Variants in ATP8A1 observed in about 807,000 individuals in gnomAD.
The protein encoded by ATP8A1 is phospholipid-transporting ATPase IA.
ATP8A1 carries 90 observed loss-of-function variants against 177.7 expected under a neutral mutation model. The observed-to-expected ratio is 0.51, with a 90% CI of 0.43 to 0.60. ATP8A1 has a LOEUF of 0.60. Among genes scored for constraint, ATP8A1 ranks in the 20% least tolerant of loss-of-function variants. The pLI is 0.00. For missense variants in ATP8A1, 1,072 were observed against 1,392.8 expected, an observed-to-expected ratio of 0.77 and a Z score of 3.67; for synonymous variants, 493 against 485.9, an observed-to-expected ratio of 1.01 and a Z score of -0.19.
chr4:42,597,247 C>A (rs1292627672), intron 6 of ATP8A1, among the ~76,000 whole-genome samples: 1 of 152,122 alleles, frequency 6.6e-6, no homozygotes, highest in South Asian at 2.1e-4. Flanking sequence ...GGCATGTAGA[C>A]GACACTCTTG....
chr4:42,580,808 G>A (rs1732957669), intron 10 of ATP8A1, among the ~76,000 whole-genome samples: 2 of 152,284 alleles, frequency 1.3e-5, no homozygotes, highest in South Asian at 4.2e-4. Context: ...CACAGGGACG[G>A]AGCAACTGTA....
intron 22 of ATP8A1, among the ~76,000 whole-genome samples, chr4:42,517,092 GAGA>G (rs1177675601): frequency 0.01 from 1,528 of 152,198 alleles, 24 homozygotes; most frequent in African/African-American, 0.035. Context: ...ACGAGGTCAG[GAGA>G]TCGAGACCAT....
At chr4:42,656,063 G>A (rs1741577252) in intron 1 of ATP8A1, among the ~76,000 whole-genome samples, 2 of 152,180 alleles carry the variant, frequency 1.3e-5, no homozygotes, top group African/African-American at 4.8e-5. Context: ...GATGTTGAGG[G>A]CTCCTCGGAG....
In ATP8A1 at chr4:42,455,612, AC is replaced by A. The variant is rs773947580; in HGVS notation, c.2620-14del. The A allele has an allele frequency of 3.1e-6, 5 of 1,609,448 alleles. No individual in the cohort carries two copies. Among genetic ancestry groups the A allele is most frequent in the Non-Finnish European group, 4.2e-6 (5 of 1,178,602 alleles). On this transcript the variant is annotated splice_polypyrimidine_tract_variant and intron_variant, in intron 27 of 36. Coordinates refer to ENST00000381668, the MANE Select transcript of ATP8A1 (RefSeq NM_006095.2). ...AGGCAAACCAGATCTAGGAAAAAAA[AC>A]CCAAAACCCCCAAATTAGAATACAA...
intron 11 of ATP8A1, among the ~76,000 whole-genome samples, chr4:42,579,215 C>T (rs1029416145): frequency 5.9e-5 from 9 of 151,524 alleles, no homozygotes; most frequent in Non-Finnish European, 1.3e-4. Context: ...TATTTACTAG[C>T]ACCTTCTCTA....
At chr4:42,639,665 T>G (rs1437002226) in intron 1 of ATP8A1, among the ~76,000 whole-genome samples, 1 of 152,200 alleles carries the variant, frequency 6.6e-6, no homozygotes, top group Non-Finnish European at 1.5e-5. Flanking sequence ...ATAATTATTT[T>G]CTAACCTACA....
chr4:42,574,181 T>C (rs939285923), intron 14 of ATP8A1, among the ~76,000 whole-genome samples: 2 of 152,126 alleles, frequency 1.3e-5, no homozygotes, highest in African/African-American at 4.8e-5. Context: ...GAATTTTAGA[T>C]TGCTCTATGA....
intron 29 of ATP8A1, among the ~76,000 whole-genome samples, chr4:42,452,277 AT>A (rs898636364): frequency 1.1e-4 from 16 of 151,806 alleles, no homozygotes; most frequent in Non-Finnish European, 2.2e-4. Flanking sequence ...CTTCACTTGA[AT>A]TTTTTTTTCT....
intron 25 of ATP8A1, among the ~76,000 whole-genome samples, chr4:42,468,107 G>A (rs902010787): frequency 6.6e-6 from 1 of 152,084 alleles, no homozygotes; most frequent in Non-Finnish European, 1.5e-5. Context: ...GGTGATCAGG[G>A]AACACTTCTA....
intron 25 of ATP8A1, among the ~76,000 whole-genome samples, chr4:42,485,026 A>G (rs1212215413): frequency 2.0e-5 from 3 of 152,218 alleles, no homozygotes; most frequent in African/African-American, 7.2e-5. Flanking sequence ...AGAGATTTTA[A>G]TTTAGGATAT....
intron 1 of ATP8A1, among the ~76,000 whole-genome samples, chr4:42,637,813 T>C (rs1305150424): frequency 6.6e-6 from 1 of 152,228 alleles, no homozygotes; most frequent in Non-Finnish European, 1.5e-5. Flanking sequence ...CTCTACCCCT[T>C]CAGCCTTGTT....
chr4:42,621,220 T>G (rs572250471), intron 4 of ATP8A1, among the ~76,000 whole-genome samples: 9 of 152,358 alleles, frequency 5.9e-5, no homozygotes, highest in Non-Finnish European at 1.3e-4. Flanking sequence ...CTATGCTGTT[T>G]TATACACATG....
intron 25 of ATP8A1, among the ~76,000 whole-genome samples, chr4:42,479,290 T>C (rs550676638): frequency 3.3e-5 from 5 of 152,334 alleles, no homozygotes; most frequent in Non-Finnish European, 5.9e-5. Context: ...ATACTTACTA[T>C]CTGTCCCTGC....
At chr4:42,434,752 A>G (rs1715723393) in intron 33 of ATP8A1, among the ~76,000 whole-genome samples, 1 of 152,188 alleles carries the variant, frequency 6.6e-6, no homozygotes, top group East Asian at 1.9e-4. Context: ...AGCCTCAAAT[A>G]GAAAGGGTTA....
rs1241174436 is a variant in ATP8A1 at position 42,524,900 on chromosome 4, A to G, written c.1723-53T>C. The stretch of plus-strand genomic sequence containing the variant: ...TTTAATTAAGCATTCTGGGTTTAAT[A>G]AAGTTGATGTTGGTAACAATAGCAG... On this transcript the variant is annotated intron_variant, in intron 20 of 36. Transcript: ENST00000381668. 5 of 1,215,534 alleles carry G rather than the reference A, an allele frequency of 4.1e-6. 1 individual carries two copies. The highest frequency in any genetic ancestry group is 3.0e-5 in the African/African-American group (2 of 66,864). The allele number at this position is 1,215,534 out of a possible 1,614,324, so 75.3% of individuals were successfully genotyped here. A position where few individuals can be genotyped will look rare whatever the true frequency, so the allele number is the denominator to read the frequency against.
At chr4:42,519,783 A>G (rs1219065384) in intron 22 of ATP8A1, among the ~76,000 whole-genome samples, 8 of 152,238 alleles carry the variant, frequency 5.3e-5, no homozygotes, top group African/African-American at 1.7e-4. Flanking sequence ...AACAGAGAGC[A>G]TGGCTTACTA....
chr4:42,629,555 T>C (rs914812093), intron 1 of ATP8A1, among the ~76,000 whole-genome samples: 4 of 152,200 alleles, frequency 2.6e-5, no homozygotes, highest in Admixed American at 6.5e-5. Context: ...AGCAGTGACA[T>C]GGAGAGCCAT....
chr4:42,485,901 G>C (rs1332929082), intron 24 of ATP8A1, among the ~76,000 whole-genome samples: 3 of 152,178 alleles, frequency 2.0e-5, no homozygotes, highest in Admixed American at 2.0e-4. Flanking sequence ...TCCTAGCAGG[G>C]TTGGGACTAG....
intron 23 of ATP8A1, among the ~76,000 whole-genome samples, chr4:42,504,235 CT>C (rs1249864281): frequency 6.6e-6 from 1 of 152,160 alleles, no homozygotes; most frequent in Non-Finnish European, 1.5e-5. Context: ...CAACTCAGCC[CT>C]CCTTCCTGAA....
Sources: allele counts gnomAD v4.1 joint callset (sites outside exome capture counted in the v4.1 genomes callset), GRCh38; gene constraint gnomAD v4.1.1; transcripts MANE v1.5; gene names NCBI Gene and HGNC (gene_info 2026-07-23, HGNC 2026-07-21).